CACNA2D1: variants seen among roughly 807,000 people sequenced by gnomAD.
CACNA2D1 encodes calcium voltage-gated channel auxiliary subunit alpha2delta 1, also known as voltage-dependent calcium channel subunit alpha-2/delta-1.
In CACNA2D1, 53 loss-of-function variants were observed where a neutral mutation model predicts 171.5. The observed-to-expected ratio is 0.31, with a 90% CI of 0.25 to 0.39. CACNA2D1 has a LOEUF of 0.39. Among genes scored for constraint, CACNA2D1 ranks in the 10% least tolerant of loss-of-function variants. CACNA2D1 has a pLI of 1.00. For missense variants in CACNA2D1, 903 were observed against 1,299.8 expected (o/e 0.69, Z 4.69); for synonymous variants, 442 against 443.1 (o/e 1.00, Z 0.03).
At chr7:82,167,792 A>G (rs910287407) in intron 4 of CACNA2D1, among the ~76,000 whole-genome samples, 2 of 152,064 alleles carry the variant, frequency 1.3e-5, no homozygotes, top group African/African-American at 4.8e-5. Flanking sequence ...GTCAATCAGT[A>G]TGTCAACAGG....
chr7:82,113,572 T>C (rs1206756303), intron 6 of CACNA2D1, among the ~76,000 whole-genome samples: 1 of 152,146 alleles, frequency 6.6e-6, no homozygotes, highest in Non-Finnish European at 1.5e-5. Flanking sequence ...TAAAAAGTAA[T>C]CATCTTTGTG....
rs146310584 is a variant in CACNA2D1, at chr7:82,178,033, TAATACA to T, written c.295-7430_295-7425del. 4.8e-3 allele frequency among the ~76,000 whole-genome samples: 735 copies of T among 152,276 alleles called. 7 individuals carry two copies. Among genetic ancestry groups the T allele is most frequent in the African/African-American group, 0.017 (705 of 41,564 alleles). ...CAGATTATGGGAAATAAAAATCTCATAATACAAATACAATTTCTCTTTCTAGCCTAA... is the reference window on the plus strand; with the variant it reads ...CAGATTATGGGAAATAAAAATCTCATAATACAATTTCTCTTTCTAGCCTAA... On this transcript the variant is annotated intron_variant, in intron 3 of 38. Coordinates refer to ENST00000356860, the MANE Select transcript of CACNA2D1 (RefSeq NM_000722.4).
At chr7:82,376,948 T>C (rs1823081869) in intron 1 of CACNA2D1, among the ~76,000 whole-genome samples, 1 of 152,222 alleles carries the variant, frequency 6.6e-6, no homozygotes, top group Non-Finnish European at 1.5e-5. Context: ...TTCAGCATGC[T>C]GAGATAATTA....
At chr7:81,967,336 T>A in intron 30 of CACNA2D1, 129 bp from the exon 31 acceptor site, 1 of 793,790 alleles carries the variant, frequency 1.3e-6, no homozygotes. Context: ...CAGTCTAGTC[T>A]ATAAGAAACA....
chr7:82,290,457 G>A (rs1811375822), intron 3 of CACNA2D1, among the ~76,000 whole-genome samples: 1 of 151,358 alleles, frequency 6.6e-6, no homozygotes, highest in African/African-American at 2.4e-5. Flanking sequence ...TTTTATATAA[G>A]AAAGCAATAT....
At chr7:82,295,123 T>G (rs1401315690) in intron 3 of CACNA2D1, among the ~76,000 whole-genome samples, 1 of 152,164 alleles carries the variant, frequency 6.6e-6, no homozygotes, top group East Asian at 1.9e-4. Flanking sequence ...TACTTCATTT[T>G]GCCCATTTCC....
At chr7:82,440,974 A>C (rs1246141922) in intron 1 of CACNA2D1, among the ~76,000 whole-genome samples, 1 of 151,756 alleles carries the variant, frequency 6.6e-6, no homozygotes, top group African/African-American at 2.4e-5. Context: ...TGGCAAAAAA[A>C]AAAACCCAAA....
At chr7:82,002,912 T>C (rs560743650) in intron 18 of CACNA2D1, among the ~76,000 whole-genome samples, 1 of 152,238 alleles carries the variant, frequency 6.6e-6, no homozygotes, top group East Asian at 1.9e-4. Flanking sequence ...TGCATAACAT[T>C]AGACTTTCAC....
intron 3 of CACNA2D1, among the ~76,000 whole-genome samples, chr7:82,186,420 C>T (rs1402031986): frequency 6.6e-6 from 1 of 151,984 alleles, no homozygotes; most frequent in African/African-American, 2.4e-5. Flanking sequence ...GTTATTTCAC[C>T]AAAATCTTTG....
intron 1 of CACNA2D1, among the ~76,000 whole-genome samples, chr7:82,407,742 C>T (rs866160168): frequency 3.3e-5 from 5 of 152,208 alleles, no homozygotes; most frequent in Middle Eastern, 3.4e-3. Flanking sequence ...TTAATTAATG[C>T]AACTCTATTC....
At chr7:82,131,875 T>C (rs1791019620) in intron 5 of CACNA2D1, among the ~76,000 whole-genome samples, 1 of 152,162 alleles carries the variant, frequency 6.6e-6, no homozygotes, top group Admixed American at 6.5e-5. Context: ...AGCCAACGCA[T>C]ATATAAAGTT....
intron 1 of CACNA2D1, among the ~76,000 whole-genome samples, chr7:82,442,103 G>A (rs781660671): frequency 1.3e-5 from 2 of 152,160 alleles, no homozygotes; most frequent in Non-Finnish European, 2.9e-5. Context: ...ACAAAAATTA[G>A]ACACTCCCCT....
chr7:82,082,026 CT>C (rs899535070), intron 7 of CACNA2D1, among the ~76,000 whole-genome samples: 1 of 152,216 alleles, frequency 6.6e-6, no homozygotes, highest in African/African-American at 2.4e-5. Flanking sequence ...AGGGGTGCCC[CT>C]GACCCTGAAG....
chr7:82,231,798 T>A (rs1294986875), intron 3 of CACNA2D1, among the ~76,000 whole-genome samples: 1 of 151,990 alleles, frequency 6.6e-6, no homozygotes, highest in African/African-American at 2.4e-5. Context: ...TTTTCCTAAT[T>A]CTTGTAAAGT....
intron 3 of CACNA2D1, among the ~76,000 whole-genome samples, chr7:82,238,170 G>A (rs1470498142): frequency 2.0e-5 from 3 of 152,008 alleles, no homozygotes; most frequent in Non-Finnish European, 2.9e-5. Flanking sequence ...GATTTAAGTT[G>A]TCTGTCTTCT....
chr7:82,090,065 A>G (rs1458760476), intron 6 of CACNA2D1, among the ~76,000 whole-genome samples: 2 of 152,192 alleles, frequency 1.3e-5, no homozygotes, highest in Non-Finnish European at 2.9e-5. Context: ...TTGTAAAGTA[A>G]TCATCAAAAT....
intron 1 of CACNA2D1, among the ~76,000 whole-genome samples, chr7:82,376,240 C>T (rs1250089775): frequency 6.6e-6 from 1 of 152,082 alleles, no homozygotes; most frequent in Non-Finnish European, 1.5e-5. Context: ...AGCAGATGAA[C>T]AAATACCTAT....
chr7:82,220,452 A>G (rs1174735140), intron 3 of CACNA2D1, among the ~76,000 whole-genome samples: 1 of 152,196 alleles, frequency 6.6e-6, no homozygotes, highest in East Asian at 1.9e-4. Context: ...TTTTGGTCTC[A>G]TGACTCTTTT....
chr7:82,264,993 G>A (rs1037238878), intron 3 of CACNA2D1, among the ~76,000 whole-genome samples: 1 of 152,130 alleles, frequency 6.6e-6, no homozygotes, highest in Non-Finnish European at 1.5e-5. Context: ...TCACTGCAAT[G>A]ACACATCAGG....
Sources: gnomAD v4.1 joint callset for allele counts (sites outside exome capture counted in the v4.1 genomes callset) on GRCh38, gnomAD v4.1.1 for gene constraint, MANE v1.5 for transcripts, NCBI Gene and HGNC (gene_info 2026-07-23, HGNC 2026-07-21) for gene names.